ADAM22: variants seen among roughly 807,000 people sequenced by gnomAD.
The protein encoded by ADAM22 is ADAM metallopeptidase domain 22.
A neutral mutation model predicts 144.6 loss-of-function variants in ADAM22; 65 were observed. The ratio of observed to expected loss-of-function variants is 0.45; its 90% CI spans 0.37 to 0.55. The LOEUF is 0.55. ADAM22 is among the 20% of genes least tolerant of loss of function. The pLI is 0.00. For missense variants in ADAM22, 974 were observed against 1,184.9 expected (o/e 0.82, Z 2.61); for synonymous variants, 391 against 412.6 (o/e 0.95, Z 0.63).
intron 3 of ADAM22, among the ~76,000 whole-genome samples, chr7:88,007,813 C>T (rs1417000557): frequency 1.3e-5 from 2 of 152,182 alleles, no homozygotes; most frequent in African/African-American, 4.8e-5. Flanking sequence ...AAAACCTAGG[C>T]ATTACCATTC....
At chr7:88,054,087 A>G (rs1425115104) in intron 3 of ADAM22, among the ~76,000 whole-genome samples, 1 of 152,176 alleles carries the variant, frequency 6.6e-6, no homozygotes, top group East Asian at 1.9e-4. Context: ...AGCCAAGATC[A>G]TGCTACTGCA....
rs1838980697 is a variant in ADAM22, at chr7:88,153,236, A to G, written c.1697A>G (p.Asp566Gly). 5 of 1,613,270 alleles carry G rather than the reference A, an allele frequency of 3.1e-6. No homozygotes were observed. The East Asian group carries it at 6.7e-5, about 22-fold the overall frequency. ...TCTGCCTTAGAGGTGACAGCATCAG[A>G]CAAATATTGCTATGAGAAACTGAAT... Reference protein sequence around the residue: ...YIWGQKVTASDKYCYEKLNIE... With the variant: ...YIWGQKVTASGKYCYEKLNIE... The change falls in exon 21 of 32, where the codon GAC becomes GGC. Residue 566 changes from aspartate (D) to glycine (G), a missense_variant. By Grantham distance (94) the Asp-to-Gly change is moderately conservative. Transcript: ENST00000413139.
chr7:88,079,213 T>A (rs1199765754), intron 4 of ADAM22, among the ~76,000 whole-genome samples: 1 of 152,136 alleles, frequency 6.6e-6, no homozygotes, highest in African/African-American at 2.4e-5. Context: ...AAAATAAGAA[T>A]TTTCAACCCA....
chr7:88,041,376 A>G lies in ADAM22; in HGVS notation c.324-34250A>G, dbSNP rs1472747612. ...AGTTATACTAACATAGATGGTGCCA[A>G]TGGAATGCTAGCTTGGAGTTTTACA... On this transcript the variant is annotated intron_variant, in intron 3 of 31. Transcript: ENST00000413139. 2.0e-5 allele frequency among the ~76,000 whole-genome samples: 3 copies of G among 151,972 alleles called. No homozygotes were observed. In the East Asian group the frequency reaches 5.8e-4, roughly 29 times the overall value.
intron 3 of ADAM22, among the ~76,000 whole-genome samples, chr7:88,059,762 A>C (rs1194835860): frequency 6.6e-6 from 1 of 152,248 alleles, no homozygotes; most frequent in Non-Finnish European, 1.5e-5. Flanking sequence ...TAGTGCAGAA[A>C]CAAAAAAAGA....
chr7:88,142,100 T>G (rs1468834540), intron 14 of ADAM22, among the ~76,000 whole-genome samples: 1 of 152,206 alleles, frequency 6.6e-6, no homozygotes, highest in African/African-American at 2.4e-5. Context: ...CAAAGAAACT[T>G]TTTGTCCGGT....
Position 87,973,969 on chromosome 7 carries a change from G to A in ADAM22, c.247-4367G>A, listed in dbSNP as rs191941005. ...AGGGGTAGGGGGTGGGATAGCATTAGGAGATATACCTAATGCTAAATGACG... is the reference window on the plus strand; with the variant it reads ...AGGGGTAGGGGGTGGGATAGCATTAAGAGATATACCTAATGCTAAATGACG... On this transcript the variant is annotated intron_variant, in intron 2 of 31. Transcript: ENST00000413139. 4.4e-3 allele frequency among the ~76,000 whole-genome samples: 667 copies of A among 152,088 alleles called. 2 individuals are homozygous for A. Among genetic ancestry groups the A allele is most frequent in the African/African-American group, 0.015 (631 of 41,448 alleles).
chr7:88,182,561 C>T (rs772421248), intron 29 of ADAM22, among the ~76,000 whole-genome samples: 5 of 152,156 alleles, frequency 3.3e-5, no homozygotes, highest in Non-Finnish European at 7.4e-5. Flanking sequence ...AGGGCATTTT[C>T]CTAAACTTGC....
At chr7:87,987,959 T>C (rs1313161278) in intron 3 of ADAM22, among the ~76,000 whole-genome samples, 1 of 152,200 alleles carries the variant, frequency 6.6e-6, no homozygotes, top group East Asian at 1.9e-4. Context: ...ATAACCATTC[T>C]CAGACAGGGA....
At chr7:88,162,133 C>CACACACACACACACACACACACACACA (rs1554510200) in intron 22 of ADAM22, among the ~76,000 whole-genome samples, 2 of 149,396 alleles carry the variant, frequency 1.3e-5, no homozygotes, top group African/African-American at 5.0e-5. Flanking sequence ...CACACACACA[C>CACACACACACACACACACACACACACA]CATGGAATAC....
intron 3 of ADAM22, among the ~76,000 whole-genome samples, chr7:88,027,650 C>T (rs995080554): frequency 7.2e-5 from 11 of 152,140 alleles, no homozygotes; most frequent in African/African-American, 2.6e-4. Context: ...GAAAAAAACA[C>T]CTTTTGTTCT....
chr7:88,010,531 C>A (rs749689535), intron 3 of ADAM22, among the ~76,000 whole-genome samples: 1 of 152,142 alleles, frequency 6.6e-6, no homozygotes, highest in Non-Finnish European at 1.5e-5. Context: ...TGAAAAAGGC[C>A]TTTTTCTTAA....
rs1847030316 is a variant in ADAM22 at position 88,181,571 on chromosome 7, T to G, written c.2562T>G (p.Cys854Trp). 3.7e-6 allele frequency: 6 copies of G among 1,613,730 alleles called. No individual in the cohort carries two copies. Among genetic ancestry groups the G allele is most frequent in the Non-Finnish European group, 5.1e-6 (6 of 1,179,796 alleles). The change falls in exon 28 of 32, where the codon TGT becomes TGG. Residue 854 changes from cysteine to tryptophan, a missense_variant. Cys to Trp is a radical substitution (Grantham distance 215). This residue lies in a region of ADAM22 where 734 missense variants were observed against 950.6 expected (regional missense o/e 0.77). Coordinates refer to ENST00000413139, the MANE Select transcript of ADAM22 (RefSeq NM_001324418.2). ...IPDTKHISDI[C>W]ENGRPRSNSW... ...ACACAAAACATATTTCAGACATCTG[T>G]GAAAATGGGCGACCTCGAAGTAACT...
intron 3 of ADAM22, among the ~76,000 whole-genome samples, chr7:88,060,745 C>T (rs1196859683): frequency 1.3e-4 from 18 of 140,946 alleles, no homozygotes; most frequent in South Asian, 2.3e-4. Context: ...CCACCCTGGG[C>T]GACAGAATGA....
Position 87,935,201 on chromosome 7 carries a change from C to G in ADAM22, c.246+15C>G, listed in dbSNP as rs745973899. ...GTGGCCCGCAGGTGAGAGGCTCGGTCCGGGAGGTGGTCCTCCGCGCCTCCC... is the reference window on the plus strand; with the variant it reads ...GTGGCCCGCAGGTGAGAGGCTCGGTGCGGGAGGTGGTCCTCCGCGCCTCCC... On this transcript the variant is annotated intron_variant, in intron 2 of 31. Coordinates refer to ENST00000413139, the MANE Select transcript of ADAM22 (RefSeq NM_001324418.2). 1 of 1,576,978 alleles carries G rather than the reference C, an allele frequency of 6.3e-7. No homozygotes were observed. The highest frequency in any genetic ancestry group is 8.6e-7 in the Non-Finnish European group (1 of 1,161,410).
intron 5 of ADAM22, among the ~76,000 whole-genome samples, chr7:88,110,725 G>A (rs993777448): frequency 8.9e-5 from 12 of 134,174 alleles, no homozygotes; most frequent in South Asian, 2.7e-4. Flanking sequence ...TCATTTGTTC[G>A]TTCGTTCATT....
intron 4 of ADAM22, among the ~76,000 whole-genome samples, chr7:88,081,529 T>C (rs1422983637): frequency 1.3e-5 from 2 of 151,872 alleles, no homozygotes; most frequent in Non-Finnish European, 2.9e-5. Context: ...GGCATTCAAT[T>C]AGGAAAAGAG....
At chr7:87,954,038 C>G (rs555895293) in intron 2 of ADAM22, among the ~76,000 whole-genome samples, 29 of 152,178 alleles carry the variant, frequency 1.9e-4, no homozygotes, top group African/African-American at 6.3e-4. Context: ...GTGTGTGTCT[C>G]TGCCCGTGAG....
At chr7:87,946,143 A>AT (rs1321536564) in intron 2 of ADAM22, among the ~76,000 whole-genome samples, 2 of 151,566 alleles carry the variant, frequency 1.3e-5, no homozygotes, top group Non-Finnish European at 2.9e-5. Flanking sequence ...GATGTTGAGC[A>AT]TTTTTTTTAC....
Sources: allele counts gnomAD v4.1 joint callset (sites outside exome capture counted in the v4.1 genomes callset), GRCh38; gene constraint gnomAD v4.1.1; regional missense constraint gnomAD v4.1.1; transcripts MANE v1.5; gene names NCBI Gene and HGNC (gene_info 2026-07-23, HGNC 2026-07-21).